Variants in TRMT44 observed in about 807,000 individuals in gnomAD.
TRMT44 encodes the protein probable tRNA (uracil-O(2)-)-methyltransferase.
A neutral mutation model predicts 77.3 loss-of-function variants in TRMT44; 78 were observed. The ratio of observed to expected loss-of-function variants is 1.01; its 90% CI spans 0.84 to 1.22. TRMT44 has a LOEUF of 1.22. Among genes scored for constraint, TRMT44 ranks in the 50% most tolerant of loss-of-function variants. TRMT44 has a pLI of 0.00. For synonymous variants in TRMT44, 391 were observed against 383.3 expected, an observed-to-expected ratio of 1.02 and a Z score of -0.23; for missense variants, 1,090 against 964.4, an observed-to-expected ratio of 1.13 and a Z score of -1.73.
intron 6 of TRMT44, among the ~76,000 whole-genome samples, chr4:8,458,539 C>T (rs1725957824): frequency 6.8e-6 from 1 of 147,978 alleles, no homozygotes; most frequent in African/African-American, 2.5e-5. Context: ...TCTAGGTTCA[C>T]TGCAACCTCT....
chr4:8,511,549 G>A, the TRMT44 span, among the ~76,000 whole-genome samples: 142 of 152,160 alleles, frequency 9.3e-4, no homozygotes, highest in African/African-American at 3.1e-3. Flanking sequence ...GCCACTATCC[G>A]GAATGTCAAA....
intron 6 of TRMT44, among the ~76,000 whole-genome samples, chr4:8,460,215 G>A (rs111637638): frequency 7.2e-5 from 11 of 152,212 alleles, no homozygotes; most frequent in African/African-American, 2.2e-4. Context: ...CTCTGTGGGC[G>A]TGGCCTCACT....
Position 8,446,423 on chromosome 4 carries a change from T to G in TRMT44, c.620-53T>G. The G allele has an allele frequency of 6.2e-5, 72 of 1,163,998 alleles. No individual in the cohort carries two copies. Among genetic ancestry groups the G allele is most frequent in the Non-Finnish European group, 8.1e-5 (66 of 810,422 alleles). The allele number at this position is 1,163,998 out of a possible 1,614,324, so 72.1% of individuals were successfully genotyped here. A position where few individuals can be genotyped will look rare whatever the true frequency, so the allele number is the denominator to read the frequency against. ...TCCCTATTTTTAATACTGCTTCTGA[T>G]GAGACGGTAGCTAGGCAGTTGTAAT... On this transcript the variant is annotated intron_variant, in intron 1 of 10. Coordinates refer to ENST00000389737, the MANE Select transcript of TRMT44 (RefSeq NM_152544.3). This position sits in a 1 kb window ranked among gnomAD's most constrained non-coding sequence, Gnocchi z 4.3.
At position 8,452,875 on chromosome 4, in the gene TRMT44, C is replaced by T; in HGVS notation, c.1024-7C>T. ...CCTGACTTTGTTTTGTTTTTCTCTT[C>T]ACTTAGATTCTATGGGAAGAAGAAA... On this transcript the variant is annotated splice_polypyrimidine_tract_variant and splice_region_variant and intron_variant, in intron 4 of 10. Coordinates refer to ENST00000389737, the MANE Select transcript of TRMT44 (RefSeq NM_152544.3). The surrounding 1 kb of genome is among the most constrained non-coding windows in gnomAD (Gnocchi z 5.7). 6.7e-7 allele frequency: 1 copy of T among 1,497,624 alleles called. No individual in the cohort carries two copies. Among genetic ancestry groups the T allele is most frequent in the Non-Finnish European group, 8.9e-7 (1 of 1,118,666 alleles). The allele number at this position is 1,497,624 out of a possible 1,614,324, so 92.8% of individuals were successfully genotyped here. A position where few individuals can be genotyped will look rare whatever the true frequency, so the allele number is the denominator to read the frequency against.
At chr4:8,442,252 T>C (rs559183958) in intron 1 of TRMT44, among the ~76,000 whole-genome samples, 1 of 152,344 alleles carries the variant, frequency 6.6e-6, no homozygotes, top group East Asian at 1.9e-4. Flanking sequence ...GGCCAGTTTA[T>C]ACAGGCATGC....
downstream of TRMT44, among the ~76,000 whole-genome samples, chr4:8,497,999 A>G (rs959950627): frequency 3.6e-4 from 55 of 152,196 alleles, no homozygotes; most frequent in Admixed American, 3.5e-3. Context: ...GGCCTTGCTC[A>G]GCTATGCTTC....
At chr4:8,477,403 G>GGTCTC (rs1439813562), downstream of TRMT44, 4 of 152,298 alleles carry the variant, frequency 2.6e-5, no homozygotes, top group African/African-American at 9.6e-5. Flanking sequence ...CATCTTACTG[G>GGTCTC]GAGACTGGCG....
Position 8,444,887 on chromosome 4 carries a change from T to A in TRMT44, c.620-1589T>A, listed in dbSNP as rs1226588388. 3.3e-5 allele frequency among the ~76,000 whole-genome samples: 5 copies of A among 152,202 alleles called. No homozygotes were observed. Among genetic ancestry groups the A allele is most frequent in the Non-Finnish European group, 5.9e-5 (4 of 68,030 alleles). On this transcript the variant is annotated intron_variant, in intron 1 of 10. Transcript: ENST00000389737. The surrounding 1 kb of genome is among the most constrained non-coding windows in gnomAD (Gnocchi z 4.0). ...TATGTACCCACAAAAATGAAAAATTTAAAAATTTTAAAAATCGAAATTTAT... is the reference window on the plus strand; with the variant it reads ...TATGTACCCACAAAAATGAAAAATTAAAAAATTTTAAAAATCGAAATTTAT...
Position 8,467,952 on chromosome 4 carries a change from C to T in TRMT44, c.1533C>T (p.Ser511=). ...LVGKSRTYPS[S]REASVDEKRT... is the part of the protein sequence containing the mutation. ...GAAAATCCAGAACATACCCTTCCTC[C>T]AGAGAAGCTTCCGTGGATGAAAAGA... is the stretch of plus-strand genomic sequence containing the variant. Residue 511 remains serine (S), a synonymous_variant, in exon 9 of 11, where the codon TCC becomes TCT. Transcript: ENST00000389737. 2 of 1,613,570 alleles carry T rather than the reference C, an allele frequency of 1.2e-6. No homozygotes were observed. Among genetic ancestry groups the T allele is most frequent in the Non-Finnish European group, 1.7e-6 (2 of 1,179,560 alleles).
chr4:8,511,432 A>C, the TRMT44 span, among the ~76,000 whole-genome samples: 1 of 152,160 alleles, frequency 6.6e-6, no homozygotes, highest in East Asian at 1.9e-4. Context: ...ACCTGTACTT[A>C]GGACCTTACA....
At chr4:8,490,627 A>G (rs1194139234) in intron 2 of TRMT44, among the ~76,000 whole-genome samples, 1 of 152,136 alleles carries the variant, frequency 6.6e-6, no homozygotes, top group Non-Finnish European at 1.5e-5. Context: ...TCAGGAGTGA[A>G]GCTGCAGACC....
downstream of TRMT44, among the ~76,000 whole-genome samples, chr4:8,497,186 AT>A (rs1281691353): frequency 6.6e-6 from 1 of 152,026 alleles, no homozygotes; most frequent in Non-Finnish European, 1.5e-5. Context: ...AGAAAGACCA[AT>A]TCCTTTACTG....
chr4:8,454,875 T>A, intron 6 of TRMT44, 62 bp downstream of exon 6: 2 of 1,445,232 alleles, frequency 1.4e-6, no homozygotes, highest in Non-Finnish European at 9.7e-7. Flanking sequence ...TGGGAATTGC[T>A]GTAATGAATG....
chr4:8,493,845 C>A (rs1299856370), downstream of TRMT44, among the ~76,000 whole-genome samples: 3 of 151,886 alleles, frequency 2.0e-5, no homozygotes, highest in Non-Finnish European at 2.9e-5. Context: ...GCCTGGCGAG[C>A]ATAACCACCT....
chr4:8,485,158 C>A (rs1255317897), intron 2 of TRMT44, among the ~76,000 whole-genome samples: 31 of 152,128 alleles, frequency 2.0e-4, no homozygotes, highest in Admixed American at 2.0e-3. Flanking sequence ...GGCAGCACAG[C>A]CCAGGTAAGC....
chr4:8,443,412 C>T (rs1472386542), intron 1 of TRMT44, among the ~76,000 whole-genome samples: 1 of 152,232 alleles, frequency 6.6e-6, no homozygotes, highest in Non-Finnish European at 1.5e-5. Flanking sequence ...GCCAGGAAGG[C>T]TCACCAGAGG....
At chr4:8,509,149 C>T in the TRMT44 span, 9 of 149,664 alleles carry the variant, frequency 6.0e-5, no homozygotes, top group East Asian at 8.1e-4. Context: ...GCAAGTGCAA[C>T]GCTGAGGCTT....
At chr4:8,455,003 G>T in intron 6 of TRMT44, 190 bp downstream of exon 6, 1 of 621,324 alleles carries the variant, frequency 1.6e-6, no homozygotes, top group Non-Finnish European at 2.8e-6. Context: ...GAACCTTCTG[G>T]TTAAACTGAC....
the TRMT44 span, among the ~76,000 whole-genome samples, chr4:8,503,844 C>T: frequency 0.013 from 2,041 of 152,316 alleles, 47 homozygotes; most frequent in African/African-American, 0.046. Flanking sequence ...GTTGGAGTTC[C>T]GGAAGGCTCT....
Sources: gnomAD v4.1 joint callset for allele counts (sites outside exome capture counted in the v4.1 genomes callset) on GRCh38, gnomAD v4.1.1 for gene constraint, Gnocchi (gnomAD v3.1) non-coding constraint, MANE v1.5 for transcripts, NCBI Gene and HGNC (gene_info 2026-07-23, HGNC 2026-07-21) for gene names.